The following PPM1E variants were observed in gnomAD, a reference collection of about 807,000 sequenced individuals.
PPM1E encodes protein phosphatase, Mg2+/Mn2+ dependent 1E, also known as protein phosphatase 1E.
PPM1E carries 20 observed loss-of-function variants against 65.9 expected under a neutral mutation model. The ratio of observed to expected loss-of-function variants is 0.30; its 90% CI spans 0.21 to 0.44. The LOEUF is 0.44. Among genes scored for constraint, PPM1E ranks in the 20% least tolerant of loss-of-function variants. The pLI is 1.00. For synonymous variants in PPM1E, 352 were observed against 374.9 expected, an observed-to-expected ratio of 0.94 and a Z score of 0.70; for missense variants, 713 against 953.1, an observed-to-expected ratio of 0.75 and a Z score of 3.32.
chr17:58,965,973 TTC>T, intron 3 of PPM1E, 80 bp downstream of exon 3: 1 of 1,372,334 alleles, frequency 7.3e-7, no homozygotes, highest in East Asian at 2.4e-5. Flanking sequence ...AAAGGAAAAC[TTC>T]TGTTATATTT....
At chr17:58,863,302 G>A (rs1024525555) in intron 1 of PPM1E, among the ~76,000 whole-genome samples, 6 of 152,196 alleles carry the variant, frequency 3.9e-5, no homozygotes, top group Admixed American at 1.3e-4. Flanking sequence ...CTTTCTTAGC[G>A]TGCAGCTCTG....
chr17:58,965,628 C>A, intron 2 of PPM1E, 66 bp from the exon 3 acceptor site: 1 of 1,498,486 alleles, frequency 6.7e-7, no homozygotes, highest in Non-Finnish European at 9.2e-7. Flanking sequence ...CTGTCTTTAC[C>A]AAGCAGAGAA....
chr17:58,774,235 T>C (rs2049971136), intron 1 of PPM1E, among the ~76,000 whole-genome samples: 1 of 148,684 alleles, frequency 6.7e-6, no homozygotes. Flanking sequence ...TTAGGGAGAA[T>C]GTAAGAATCC....
Position 58,811,367 on chromosome 17 carries a change from A to G in PPM1E, c.464+54906A>G, listed in dbSNP as rs750645872. ...ATGGGTGAACTAATATATCTGTAAT[A>G]CCATAAAATAGGACTCTGCCTTTTA... On this transcript the variant is annotated intron_variant, in intron 1 of 6. Transcript: ENST00000308249. 1.9e-4 allele frequency among the ~76,000 whole-genome samples: 29 copies of G among 152,192 alleles called. 1 individual carries two copies. The highest frequency in any genetic ancestry group is 1.3e-4 in the Non-Finnish European group (9 of 68,032).
rs761291757 is a variant in PPM1E, at chr17:58,965,738, C to T, written c.628C>T (p.His210Tyr). Residue 210 changes from histidine (H) to tyrosine (Y), a missense_variant, in exon 3 of 7, where the codon CAC becomes TAC. Physicochemically the swap from His to Tyr is moderately conservative, Grantham distance 83. Coordinates refer to ENST00000308249, the MANE Select transcript of PPM1E (RefSeq NM_014906.5). ...KLARSVFSKLHEICCSWVKDF... is the reference protein window; with the variant it reads ...KLARSVFSKLYEICCSWVKDF... ...GGCCCGTTCTGTCTTCAGCAAACTA[C>T]ACGAGATTTGCTGCAGCTGGGTGAA... 1.2e-6 allele frequency: 2 copies of T among 1,614,126 alleles called. No homozygotes were observed. Among genetic ancestry groups the T allele is most frequent in the South Asian group, 1.1e-5 (1 of 91,082 alleles).
At chr17:58,858,500 AC>A (rs1460434456) in intron 1 of PPM1E, among the ~76,000 whole-genome samples, 1 of 150,244 alleles carries the variant, frequency 6.7e-6, no homozygotes, top group Non-Finnish European at 1.5e-5. Flanking sequence ...TTTCTGTTCC[AC>A]TTTTTACTTC....
chr17:58,829,426 G>T (rs1270790005), intron 1 of PPM1E, among the ~76,000 whole-genome samples: 3 of 152,054 alleles, frequency 2.0e-5, no homozygotes. Context: ...AGTTTTCTAT[G>T]TACCTATTGT....
At chr17:58,963,273 GCTA>G (rs1462728551) in intron 2 of PPM1E, among the ~76,000 whole-genome samples, 1 of 151,562 alleles carries the variant, frequency 6.6e-6, no homozygotes, top group Non-Finnish European at 1.5e-5. Flanking sequence ...TGTAATCCCA[GCTA>G]CTCGGGAGGC....
intron 1 of PPM1E, among the ~76,000 whole-genome samples, chr17:58,868,502 C>G (rs954923304): frequency 4.0e-5 from 6 of 150,138 alleles, no homozygotes; most frequent in African/African-American, 1.5e-4. Context: ...CCTATTCTTC[C>G]TTTTCTTTGG....
At chr17:58,789,968 A>G (rs2050140532) in intron 1 of PPM1E, among the ~76,000 whole-genome samples, 1 of 152,132 alleles carries the variant, frequency 6.6e-6, no homozygotes, top group South Asian at 2.1e-4. Flanking sequence ...ATTCTAGCAC[A>G]ATTTTTGACA....
chr17:58,886,452 G>T (rs1419143985), intron 1 of PPM1E, among the ~76,000 whole-genome samples: 1 of 152,120 alleles, frequency 6.6e-6, no homozygotes, highest in African/African-American at 2.4e-5. Context: ...CAGGTCACAG[G>T]ATCCAATGGA....
intron 1 of PPM1E, among the ~76,000 whole-genome samples, chr17:58,761,758 T>G (rs994467355): frequency 1.2e-4 from 18 of 152,340 alleles, no homozygotes; most frequent in South Asian, 8.3e-4. Flanking sequence ...TTCCTTTCCA[T>G]AATACCCAAT....
At chr17:58,835,223 C>G (rs183556968) in intron 1 of PPM1E, among the ~76,000 whole-genome samples, 3 of 152,160 alleles carry the variant, frequency 2.0e-5, no homozygotes, top group Admixed American at 2.0e-4. Context: ...TGCCTGTAGT[C>G]CCAGCTACTG....
At chr17:58,934,686 G>A (rs2051952142) in intron 1 of PPM1E, among the ~76,000 whole-genome samples, 1 of 152,136 alleles carries the variant, frequency 6.6e-6, no homozygotes, top group Admixed American at 6.5e-5. Flanking sequence ...CAGCACTTTT[G>A]GTGGCCAAGG....
chr17:58,797,421 A>G (rs901984175), intron 1 of PPM1E, among the ~76,000 whole-genome samples: 1 of 152,158 alleles, frequency 6.6e-6, no homozygotes, highest in Non-Finnish European at 1.5e-5. Flanking sequence ...TTTTTTCACC[A>G]TAGATTAATT....
At chr17:58,839,882 G>C in intron 1 of PPM1E, among the ~76,000 whole-genome samples, 1 of 152,142 alleles carries the variant, frequency 6.6e-6, no homozygotes, top group Admixed American at 6.5e-5. Context: ...ATGTGCACAA[G>C]TTAGTATACA....
At chr17:58,958,788 T>G (rs1395910819) in intron 2 of PPM1E, among the ~76,000 whole-genome samples, 1 of 151,808 alleles carries the variant, frequency 6.6e-6, no homozygotes, top group African/African-American at 2.4e-5. Context: ...TATATAGTTA[T>G]TTATTTATTA....
chr17:58,981,182 A>C lies in PPM1E; in HGVS notation c.*151A>C. ...ATGTAAATAGATCTCTAGGAAACTC[A>C]AAGTACAGTGTTTTCAATCTAAAAA... On this transcript the variant is annotated 3_prime_UTR_variant, in exon 7 of 7. Transcript: ENST00000308249. 1 of 620,908 alleles carries C rather than the reference A, an allele frequency of 1.6e-6. No homozygotes were observed. The highest frequency in any genetic ancestry group is 2.7e-6 in the Non-Finnish European group (1 of 369,748). 38.5% of individuals were successfully genotyped at this position (620,908 alleles called of 1,614,324 possible). A position where few individuals can be genotyped will look rare whatever the true frequency, so the allele number is the denominator to read the frequency against.
intron 1 of PPM1E, among the ~76,000 whole-genome samples, chr17:58,889,629 C>G (rs1251245775): frequency 6.6e-6 from 1 of 152,042 alleles, no homozygotes; most frequent in Non-Finnish European, 1.5e-5. Context: ...AGATTTTTTT[C>G]TACTGCAGTT....
Sources: allele counts gnomAD v4.1 joint callset (sites outside exome capture counted in the v4.1 genomes callset), GRCh38; gene constraint gnomAD v4.1.1; transcripts MANE v1.5; gene names NCBI Gene and HGNC (gene_info 2026-07-23, HGNC 2026-07-21).